ZAP70: variants seen among roughly 807,000 people sequenced by gnomAD.
ZAP70 encodes zeta chain of T cell receptor associated protein kinase 70.
Under a neutral mutation model 65.8 loss-of-function variants are expected in ZAP70, and 27 were observed. The ratio of observed to expected loss-of-function variants is 0.41; its 90% CI spans 0.30 to 0.57. The LOEUF (loss-of-function observed/expected upper bound fraction) is 0.57. Among genes scored for constraint, ZAP70 ranks in the 20% least tolerant of loss-of-function variants. ZAP70 has a pLI of 0.28. For missense variants in ZAP70, 696 were observed against 870.5 expected (o/e 0.80, Z 2.52); for synonymous variants, 363 against 360.8 (o/e 1.01, Z -0.07).
chr2:97,737,906 G>A lies in ZAP70; in HGVS notation c.1623+9G>A, dbSNP rs201929256. 1.2e-5 allele frequency: 19 copies of A among 1,613,990 alleles called. No homozygotes were observed. The highest frequency in any genetic ancestry group is 8.9e-5 in the East Asian group (4 of 44,892). Reference sequence around the variant, plus strand: ...GCCAGAAGCCCTACAAGGCAGGCGCGGGCAGAGGCAGGTGGGCGGTGTGGT... The same window carrying A: ...GCCAGAAGCCCTACAAGGCAGGCGCAGGCAGAGGCAGGTGGGCGGTGTGGT... On this transcript the variant is annotated intron_variant, in intron 12 of 13. Coordinates refer to ENST00000264972, the MANE Select transcript of ZAP70 (RefSeq NM_001079.4). The surrounding 1 kb of genome is among the most constrained non-coding windows in gnomAD (Gnocchi z 5.0).
chr2:97,742,743 T>C (rs574060415), downstream of ZAP70, among the ~76,000 whole-genome samples: 1 of 152,332 alleles, frequency 6.6e-6, no homozygotes, highest in East Asian at 1.9e-4. Context: ...ACTTCCTGTT[T>C]AATTCTCAAA....
At chr2:97,735,607 T>G in intron 10 of ZAP70, 151 bp downstream of exon 10, 1 of 876,434 alleles carries the variant, frequency 1.1e-6, no homozygotes, top group Non-Finnish European at 1.7e-6. Flanking sequence ...CCCACACCCA[T>G]ACCCATGCCT....
the ZAP70 span, among the ~76,000 whole-genome samples, chr2:97,752,765 T>A: frequency 6.6e-6 from 1 of 152,264 alleles, no homozygotes; most frequent in Non-Finnish European, 1.5e-5. Context: ...CACATTTATT[T>A]ATACTATCAA....
the ZAP70 span, among the ~76,000 whole-genome samples, chr2:97,749,551 C>T: frequency 2.6e-5 from 4 of 152,172 alleles, no homozygotes; most frequent in South Asian, 2.1e-4. Flanking sequence ...TCTGCAGAAG[C>T]GGGAGGGGAC....
the ZAP70 span, among the ~76,000 whole-genome samples, chr2:97,755,378 G>A: frequency 1.8e-4 from 28 of 152,186 alleles, no homozygotes; most frequent in Non-Finnish European, 3.1e-4. Flanking sequence ...CCAAGGCTCC[G>A]TTTCCAGCAG....
chr2:97,734,165 TAA>T (rs1573281776), intron 8 of ZAP70: 1 of 341,450 alleles, frequency 2.9e-6, no homozygotes, highest in East Asian at 6.0e-5. Flanking sequence ...GGAGGCCTCG[TAA>T]ATGTGGCTGT....
At chr2:97,744,958 A>C in the ZAP70 span, among the ~76,000 whole-genome samples, 2 of 152,384 alleles carry the variant, frequency 1.3e-5, no homozygotes, top group Non-Finnish European at 2.9e-5. Flanking sequence ...ATAACACTCC[A>C]AGCACAAGCA....
chr2:97,738,166 G>A (rs1677989345), intron 13 of ZAP70, 59 bp downstream of exon 13: 13 of 1,450,558 alleles, frequency 9.0e-6, no homozygotes, highest in Admixed American at 5.9e-5. Context: ...CCTGGTGCCC[G>A]ATGAGTTGAT....
rs1483832278 is a variant in ZAP70, at chr2:97,715,738, G to A, written c.-22+1744G>A. ...TTCTGAGAGTGACATTGACCTCTCCGAGCCTCAGTTTCTTTAGCTGAGGAG... is the reference window on the plus strand; with the variant it reads ...TTCTGAGAGTGACATTGACCTCTCCAAGCCTCAGTTTCTTTAGCTGAGGAG... On this transcript the variant is annotated intron_variant, in intron 2 of 13. Coordinates refer to ENST00000264972, the MANE Select transcript of ZAP70 (RefSeq NM_001079.4). The surrounding 1 kb of genome is among the most constrained non-coding windows in gnomAD (Gnocchi z 4.1). 6.6e-6 allele frequency among the ~76,000 whole-genome samples: 1 copy of A among 152,178 alleles called. No homozygotes were observed. The highest frequency in any genetic ancestry group is 1.5e-5 in the Non-Finnish European group (1 of 68,030).
the ZAP70 span, among the ~76,000 whole-genome samples, chr2:97,753,532 AAC>A: frequency 6.6e-6 from 1 of 152,218 alleles, no homozygotes; most frequent in African/African-American, 2.4e-5. Context: ...GGATGGCTAA[AAC>A]AGTCTTTTAA....
intron 2 of ZAP70, among the ~76,000 whole-genome samples, chr2:97,717,068 C>T (rs917851630): frequency 9.8e-5 from 15 of 152,360 alleles, no homozygotes; most frequent in African/African-American, 2.4e-4. Context: ...TGGCTCATGG[C>T]GTCACCAAGC....
the ZAP70 span, among the ~76,000 whole-genome samples, chr2:97,748,376 G>GT: frequency 6.6e-5 from 10 of 151,892 alleles, no homozygotes; most frequent in South Asian, 6.3e-4. Context: ...GCTCTATTTT[G>GT]TTTTTTTTAA....
At chr2:97,735,205 G>A (rs757337917) in intron 9 of ZAP70, 45 bp from the exon 10 acceptor site, 58 of 1,608,970 alleles carry the variant, frequency 3.6e-5, no homozygotes, top group Non-Finnish European at 4.8e-5. Context: ...GCCGAGCAGG[G>A]CCGGTGCCCC....
chr2:97,747,086 C>T, the ZAP70 span, among the ~76,000 whole-genome samples: 8 of 152,248 alleles, frequency 5.3e-5, no homozygotes, highest in South Asian at 4.1e-4. Context: ...GTGGAGAAGT[C>T]AGATCACTCG....
At chr2:97,717,252 TG>T (rs201931830) in intron 2 of ZAP70, among the ~76,000 whole-genome samples, 4,840 of 24,782 alleles carry the variant, frequency 0.2, 250 homozygotes, top group African/African-American at 0.38. Context: ...AACAGGGTGG[TG>T]GGGGGGCAGT....
At chr2:97,724,505 G>A (rs1322059321) in intron 3 of ZAP70, 67 bp downstream of exon 3, 1 of 1,509,872 alleles carries the variant, frequency 6.6e-7, no homozygotes, top group East Asian at 2.4e-5. Context: ...CGAGGGTTTT[G>A]GGGGGATAGG....
chr2:97,733,247 G>A (rs377720729), intron 6 of ZAP70, 35 bp downstream of exon 6: 2 of 1,609,522 alleles, frequency 1.2e-6, no homozygotes, highest in Non-Finnish European at 1.7e-6. Context: ...GTGGGCGGGG[G>A]CGGCAGGAGA....
chr2:97,732,924 T>A lies in ZAP70; in HGVS notation c.605T>A (p.Leu202His). The change falls in exon 5 of 14, where the codon CTC becomes CAC. Residue 202 changes from leucine to histidine, a missense_variant. Leu to His is a moderately conservative substitution (Grantham distance 99, BLOSUM62 -3). Coordinates refer to ENST00000264972, the MANE Select transcript of ZAP70 (RefSeq NM_001079.4). ...GAGCAGGGCACATACGCCCTGTCCC[T>A]CATCTATGGGAAGACGGTGTACCAC... Reference protein sequence around the residue: ...RKEQGTYALSLIYGKTVYHYL... With the variant: ...RKEQGTYALSHIYGKTVYHYL... The A allele has an allele frequency of 1.9e-6, 3 of 1,614,024 alleles. No individual in the cohort carries two copies. The highest frequency in any genetic ancestry group is 2.5e-6 in the Non-Finnish European group (3 of 1,180,012).
chr2:97,717,356 G>GCTTGTGCTGCTCCTGCCCGCTC (rs1676970116), intron 2 of ZAP70, among the ~76,000 whole-genome samples: 1 of 142,798 alleles, frequency 7.0e-6, no homozygotes, highest in Non-Finnish European at 1.5e-5. Flanking sequence ...GACATGCGGA[G>GCTTGTGCTGCTCCTGCCCGCTC]CCTCTGGCTG....
Sources: gnomAD v4.1 joint callset for allele counts (sites outside exome capture counted in the v4.1 genomes callset) on GRCh38, gnomAD v4.1.1 for gene constraint, Gnocchi (gnomAD v3.1) non-coding constraint, MANE v1.5 for transcripts, NCBI Gene and HGNC (gene_info 2026-07-23, HGNC 2026-07-21) for gene names.